Variants in FRYL observed in about 807,000 individuals in gnomAD.
FRYL encodes FRY like transcription coactivator.
In FRYL, 150 loss-of-function variants were observed where a neutral mutation model predicts 351.2. That is an observed-to-expected ratio of 0.43 (90% confidence interval 0.37 to 0.49). FRYL has a LOEUF of 0.49. FRYL is among the 20% of genes least tolerant of loss of function. FRYL has a pLI of 0.00. For synonymous variants in FRYL, 1,153 were observed against 1,257.1 expected (o/e 0.92, Z 1.75); for missense variants, 3,036 against 3,619.3 (o/e 0.84, Z 4.13).
At position 48,755,569 on chromosome 4, in the gene FRYL, C is replaced by A. The variant is rs1378520433; in HGVS notation, c.-384+24509G>T. ...ACGTTGCAAAATCTCCAGCTGAAAT[C>A]CAGTTATACTGTACCTTATATGTTC... On this transcript the variant is annotated intron_variant, in intron 1 of 63. Transcript: ENST00000358350. Among the ~76,000 whole-genome samples, 4 of 152,292 alleles carry A rather than the reference C, an allele frequency of 2.6e-5. No homozygotes were observed. The East Asian group carries it at 7.7e-4, about 29-fold the overall frequency.
At chr4:48,523,151 A>G (rs992921894) in intron 53 of FRYL, 47 bp from the exon 54 acceptor site, 75 of 1,215,804 alleles carry the variant, frequency 6.2e-5, no homozygotes, top group Non-Finnish European at 8.7e-5. Context: ...ACATGCTTCT[A>G]AATGTACTAA....
At chr4:48,592,082 T>TTTTATATATATATATATATA (rs1553941949) in intron 16 of FRYL, among the ~76,000 whole-genome samples, 5 of 116,206 alleles carry the variant, frequency 4.3e-5, no homozygotes, top group South Asian at 5.8e-4. Flanking sequence ...AATAAAGCTC[T>TTTTATATATATATATATATA]TATATATATA....
At chr4:48,541,101 T>A (rs947828449) in intron 45 of FRYL, 141 bp from the exon 46 acceptor site, 218 of 780,428 alleles carry the variant, frequency 2.8e-4, no homozygotes, top group Non-Finnish European at 3.8e-4. Flanking sequence ...TGAATCAAAT[T>A]TCAGTTTTCC....
chr4:48,701,610 T>C (rs536873738), intron 2 of FRYL, among the ~76,000 whole-genome samples: 2 of 152,340 alleles, frequency 1.3e-5, no homozygotes, highest in South Asian at 4.1e-4. Context: ...AAAAGAAACA[T>C]GCTGGCTGGC....
intron 1 of FRYL, among the ~76,000 whole-genome samples, chr4:48,751,313 T>C (rs1773229175): frequency 6.6e-6 from 1 of 152,128 alleles, no homozygotes; most frequent in African/African-American, 2.4e-5. Context: ...TAAAATAATT[T>C]GAGAGGAATA....
intron 3 of FRYL, among the ~76,000 whole-genome samples, chr4:48,641,848 T>C (rs1755390774): frequency 6.6e-6 from 1 of 152,202 alleles, no homozygotes; most frequent in South Asian, 2.1e-4. Flanking sequence ...TTCTAATTCA[T>C]TTGCATAAAA....
intron 32 of FRYL, 141 bp downstream of exon 32, chr4:48,562,748 A>G: frequency 1.7e-6 from 1 of 577,956 alleles, no homozygotes; most frequent in South Asian, 2.4e-5. Flanking sequence ...ACTTCTAATA[A>G]TAATTAGGCC....
chr4:48,505,747 C>A, intron 59 of FRYL, 132 bp from the exon 60 acceptor site: 1 of 576,252 alleles, frequency 1.7e-6, no homozygotes, highest in East Asian at 2.8e-5. Context: ...CTTTTATCTC[C>A]ATTCAAGCCA....
intron 3 of FRYL, among the ~76,000 whole-genome samples, chr4:48,655,431 A>G (rs750676041): frequency 3.3e-5 from 5 of 151,994 alleles, no homozygotes; most frequent in Non-Finnish European, 5.9e-5. Context: ...AGTGCATCCC[A>G]CAGCCCAGAA....
In FRYL at chr4:48,549,428, G is replaced by A. The variant is rs769117739; in HGVS notation, c.4784+45C>T. ...GCACAAAGAAAGCCGACAGTGTTCA[G>A]CAGCAACTTGGTGCATATGTAAAAG... is the stretch of plus-strand genomic sequence containing the variant. On this transcript the variant is annotated intron_variant, in intron 39 of 63. Coordinates refer to ENST00000358350, the MANE Select transcript of FRYL (RefSeq NM_015030.2). The surrounding 1 kb of genome is among the most constrained non-coding windows in gnomAD (Gnocchi z 4.2). 17 of 1,554,722 alleles carry A rather than the reference G, an allele frequency of 1.1e-5. No homozygotes were observed. The highest frequency in any genetic ancestry group is 1.5e-5 in the Non-Finnish European group (17 of 1,145,646).
Position 48,510,987 on chromosome 4 carries a change from A to G in FRYL, c.8146-3T>C, listed in dbSNP as rs1446000143. ...TCTCCAAACTTTCTTTGAATTGTCT[A>G]TGGAGAAAAGCAGAAGAAAGAGTTT... On this transcript the variant is annotated splice_region_variant and splice_polypyrimidine_tract_variant and intron_variant, in intron 57 of 63. Transcript: ENST00000358350. 1 of 1,604,802 alleles carries G rather than the reference A, an allele frequency of 6.2e-7. No individual in the cohort carries two copies. The highest frequency in any genetic ancestry group is 8.5e-7 in the Non-Finnish European group (1 of 1,176,422).
chr4:48,683,276 G>T (rs1469893050), intron 3 of FRYL, among the ~76,000 whole-genome samples: 1 of 151,864 alleles, frequency 6.6e-6, no homozygotes, highest in African/African-American at 2.4e-5. Context: ...TCAGGGGGTG[G>T]GGGGCTAGGG....
intron 19 of FRYL, among the ~76,000 whole-genome samples, chr4:48,585,433 TTTAA>T (rs947811338): frequency 6.6e-6 from 1 of 152,264 alleles, no homozygotes; most frequent in African/African-American, 2.4e-5. Context: ...TGGAACAGTC[TTTAA>T]TTGTTTATTT....
rs748573199 is a variant in FRYL at position 48,664,913 on chromosome 4, A to T, written c.-81+19760T>A. On this transcript the variant is annotated intron_variant, in intron 3 of 63. Transcript: ENST00000358350. ...ATTCTGCCTAGAATTCTAAATAGAAAGGTTTCAGGTCATGTCCAAATTAAC... is the reference window on the plus strand; with the variant it reads ...ATTCTGCCTAGAATTCTAAATAGAATGGTTTCAGGTCATGTCCAAATTAAC... Among the ~76,000 whole-genome samples, 82 of 152,334 alleles carry T rather than the reference A, an allele frequency of 5.4e-4. No homozygotes were observed. In the Middle Eastern group the frequency reaches 0.01, roughly 19 times the overall value.
At chr4:48,683,015 A>C (rs539199415) in intron 3 of FRYL, among the ~76,000 whole-genome samples, 14 of 152,302 alleles carry the variant, frequency 9.2e-5, no homozygotes, top group Admixed American at 7.8e-4. Flanking sequence ...CTTGGAACCA[A>C]CCCAAATGCC....
chr4:48,597,093 ATGTT>A (rs1323966524), intron 13 of FRYL, among the ~76,000 whole-genome samples: 2 of 152,220 alleles, frequency 1.3e-5, no homozygotes, highest in Non-Finnish European at 2.9e-5. Flanking sequence ...ATTTCCAATT[ATGTT>A]TGTTAGTAAT....
chr4:48,583,146 CTCAA>C (rs1157536912), intron 19 of FRYL, among the ~76,000 whole-genome samples: 1 of 151,808 alleles, frequency 6.6e-6, no homozygotes, highest in Non-Finnish European at 1.5e-5. Context: ...CACGATTTAT[CTCAA>C]TCATTCTTTT....
At chr4:48,597,117 G>A (rs1391174476) in intron 13 of FRYL, among the ~76,000 whole-genome samples, 1 of 152,102 alleles carries the variant, frequency 6.6e-6, no homozygotes, top group Non-Finnish European at 1.5e-5. Context: ...TGTAACTAAA[G>A]TAACATATAA....
chr4:48,567,245 T>G lies in FRYL; in HGVS notation c.3169+3A>C. 1 of 1,600,604 alleles carries G rather than the reference T, an allele frequency of 6.2e-7. No individual in the cohort carries two copies. The highest frequency in any genetic ancestry group is 8.5e-7 in the Non-Finnish European group (1 of 1,175,680). ...TAATGCTTTAAGAAACTGAAAATAA[T>G]ACCTGGAACATTCTGAATAATATTC... is the stretch of plus-strand genomic sequence containing the variant. On this transcript the variant is annotated splice_donor_region_variant and intron_variant, in intron 28 of 63. Transcript: ENST00000358350. This position sits in a 1 kb window ranked among gnomAD's most constrained non-coding sequence, Gnocchi z 4.2.
Sources: allele counts gnomAD v4.1 joint callset (sites outside exome capture counted in the v4.1 genomes callset), GRCh38; gene constraint gnomAD v4.1.1; non-coding constraint Gnocchi (gnomAD v3.1); transcripts MANE v1.5; gene names NCBI Gene and HGNC (gene_info 2026-07-23, HGNC 2026-07-21).